Variants in ZFYVE28 observed in about 807,000 individuals in gnomAD.
ZFYVE28 encodes the protein zinc finger FYVE-type containing 28.
In ZFYVE28, 40 loss-of-function variants were observed where a neutral mutation model predicts 82.1. That is an observed-to-expected ratio of 0.49 (90% CI 0.38 to 0.63). The LOEUF is 0.63. Ranked by LOEUF, ZFYVE28 falls within the 30% of genes least tolerant of loss-of-function variation. The probability of loss-of-function intolerance (pLI) is 0.00; values close to 1 mark genes in which losing one functional copy is unlikely to be tolerated. For missense variants in ZFYVE28, 1,321 were observed against 1,242.1 expected (o/e 1.06, Z -0.96); for synonymous variants, 612 against 546.1 (o/e 1.12, Z -1.68).
chr4:2,274,473 G>A (rs1187060644), intron 8 of ZFYVE28, among the ~76,000 whole-genome samples: 1 of 152,088 alleles, frequency 6.6e-6, no homozygotes, highest in Admixed American at 6.5e-5. Flanking sequence ...GGGCCTCCTG[G>A]AATTGACAGC....
chr4:2,282,266 T>C (rs952692982), intron 8 of ZFYVE28, among the ~76,000 whole-genome samples: 2 of 152,242 alleles, frequency 1.3e-5, no homozygotes, highest in Non-Finnish European at 2.9e-5. Flanking sequence ...CCACTTCGGT[T>C]TGAACTACTA....
chr4:2,289,965 G>A (rs918004980), intron 8 of ZFYVE28, among the ~76,000 whole-genome samples: 2 of 152,188 alleles, frequency 1.3e-5, no homozygotes, highest in African/African-American at 2.4e-5. Context: ...ATGCTCTGCA[G>A]AAGCTCAGGG....
At chr4:2,288,680 T>C (rs1213612388) in intron 8 of ZFYVE28, among the ~76,000 whole-genome samples, 1 of 152,246 alleles carries the variant, frequency 6.6e-6, no homozygotes, top group Non-Finnish European at 1.5e-5. Context: ...TACTTGTCTG[T>C]AAAACGGGAA....
rs1480085458 is a variant in ZFYVE28, at chr4:2,313,132, T to G, written c.803+7038A>C. Reference sequence around the variant, plus strand: ...GTTTTTCCAGGTTTTTTTTTTTTTTTGATACCTGGCTCACTAAAGTCAGAG... The same window carrying G: ...GTTTTTCCAGGTTTTTTTTTTTTTTGGATACCTGGCTCACTAAAGTCAGAG... On this transcript the variant is annotated intron_variant, in intron 7 of 12. Coordinates refer to ENST00000290974, the MANE Select transcript of ZFYVE28 (RefSeq NM_020972.3). Among the ~76,000 whole-genome samples, 8 of 151,942 alleles carry G rather than the reference T, an allele frequency of 5.3e-5. No individual in the cohort carries two copies. The East Asian group carries it at 1.5e-3, about 29-fold the overall frequency.
At chr4:2,381,592 A>C (rs1215073519) in intron 1 of ZFYVE28, among the ~76,000 whole-genome samples, 1 of 152,098 alleles carries the variant, frequency 6.6e-6, no homozygotes, top group Non-Finnish European at 1.5e-5. Flanking sequence ...TTTTTAGTAG[A>C]GATGGGGTTC....
At chr4:2,354,856 A>G (rs528627783) in intron 1 of ZFYVE28, among the ~76,000 whole-genome samples, 1 of 152,148 alleles carries the variant, frequency 6.6e-6, no homozygotes, top group East Asian at 1.9e-4. Context: ...ACAGTGCATC[A>G]TAAACCATTT....
At chr4:2,377,672 C>T (rs117630254) in intron 1 of ZFYVE28, among the ~76,000 whole-genome samples, 23 of 152,262 alleles carry the variant, frequency 1.5e-4, no homozygotes, top group African/African-American at 3.9e-4. Flanking sequence ...AAGAAACCTG[C>T]GGGGCTTTTT....
chr4:2,406,973 A>C (rs1731988598), intron 1 of ZFYVE28, among the ~76,000 whole-genome samples: 1 of 152,068 alleles, frequency 6.6e-6, no homozygotes, highest in African/African-American at 2.4e-5. Flanking sequence ...GCCTTATTGC[A>C]AACCATCAAA....
At chr4:2,315,302 T>C (rs1179549763) in intron 7 of ZFYVE28, among the ~76,000 whole-genome samples, 3 of 152,232 alleles carry the variant, frequency 2.0e-5, no homozygotes, top group Admixed American at 2.0e-4. Flanking sequence ...TGTTTTCTTT[T>C]TGAAACAGAG....
intron 8 of ZFYVE28, among the ~76,000 whole-genome samples, chr4:2,299,208 T>G (rs1487461099): frequency 6.6e-6 from 1 of 152,124 alleles, no homozygotes; most frequent in Non-Finnish European, 1.5e-5. Flanking sequence ...CACAGTCACT[T>G]CCCAGAACGA....
chr4:2,285,322 C>G (rs746215966), intron 8 of ZFYVE28: 1 of 152,294 alleles, frequency 6.6e-6, no homozygotes, highest in Non-Finnish European at 1.5e-5. Context: ...AGACAACAAA[C>G]GCCCTCGTGA....
chr4:2,300,061 T>G lies in ZFYVE28; in HGVS notation c.2051+4228A>C, dbSNP rs760977017. 1.7e-4 allele frequency among the ~76,000 whole-genome samples: 26 copies of G among 152,126 alleles called. No individual in the cohort carries two copies. Among genetic ancestry groups the G allele is most frequent in the Non-Finnish European group, 3.2e-4 (22 of 68,010 alleles). On this transcript the variant is annotated intron_variant, in intron 8 of 12. Coordinates refer to ENST00000290974, the MANE Select transcript of ZFYVE28 (RefSeq NM_020972.3). This position sits in a 1 kb window ranked among gnomAD's most constrained non-coding sequence, Gnocchi z 4.6. ...AATACGCCTGCCTCAGCCCCCAAAG[T>G]GCTGGGAATACAAGCATAAGCCACC...
At chr4:2,338,938 C>G (rs944554100) in intron 4 of ZFYVE28, among the ~76,000 whole-genome samples, 1 of 152,132 alleles carries the variant, frequency 6.6e-6, no homozygotes, top group Non-Finnish European at 1.5e-5. Context: ...GGTTCTCTTG[C>G]CTCAGCTTCC....
chr4:2,314,172 T>G (rs1284764750), intron 7 of ZFYVE28, among the ~76,000 whole-genome samples: 1 of 152,246 alleles, frequency 6.6e-6, no homozygotes, highest in African/African-American at 2.4e-5. Flanking sequence ...TTATCTGTAG[T>G]AATCTTTCTT....
Position 2,382,350 on chromosome 4 carries a change from C to T in ZFYVE28, c.40-28277G>A, listed in dbSNP as rs188497033. On this transcript the variant is annotated intron_variant, in intron 1 of 12. Transcript: ENST00000290974. ...CATTTGCCTGGAAAAGCTGTAGACA[C>T]TCAATGCCAGCCTGTGAAAGCAGCT... Among the ~76,000 whole-genome samples, 52 of 152,350 alleles carry T rather than the reference C, an allele frequency of 3.4e-4. 1 individual carries two copies. Among genetic ancestry groups the T allele is most frequent in the African/African-American group, 1.2e-3 (48 of 41,584 alleles).
chr4:2,330,792 A>G (rs1217017666), intron 6 of ZFYVE28: 1 of 1,525,572 alleles, frequency 6.6e-7, no homozygotes, highest in Admixed American at 2.0e-5. Context: ...AGTCAAGGGG[A>G]CCCTGAGCGA....
At position 2,269,668 on chromosome 4, in the gene ZFYVE28, CATA is replaced by C. The variant is rs1446554219; in HGVS notation, c.*1054_*1056del. ...TTAGAAAATAAATATAATCTCAATA[CATA>C]ATATTTCCTCCATTATATACTCTCC... On this transcript the variant is annotated 3_prime_UTR_variant, in exon 13 of 13. Transcript: ENST00000290974. 3.9e-5 allele frequency: 6 copies of C among 152,300 alleles called. No individual in the cohort carries two copies. 9.4% of individuals were successfully genotyped at this position (152,300 alleles called of 1,614,324 possible).
At chr4:2,386,249 C>A (rs958439261) in intron 1 of ZFYVE28, among the ~76,000 whole-genome samples, 3 of 152,082 alleles carry the variant, frequency 2.0e-5, no homozygotes, top group African/African-American at 7.2e-5. Context: ...CTCTGGGAGG[C>A]CAAGGCGGGT....
chr4:2,292,878 T>C (rs551647982), intron 8 of ZFYVE28, among the ~76,000 whole-genome samples: 9 of 152,308 alleles, frequency 5.9e-5, no homozygotes, highest in African/African-American at 1.9e-4. Flanking sequence ...CTCAGACAGA[T>C]GCAAAATCCT....
Sources: gnomAD v4.1 joint callset for allele counts (sites outside exome capture counted in the v4.1 genomes callset) on GRCh38, gnomAD v4.1.1 for gene constraint, Gnocchi (gnomAD v3.1) non-coding constraint, MANE v1.5 for transcripts, NCBI Gene and HGNC (gene_info 2026-07-23, HGNC 2026-07-21) for gene names.